The following CNTN5 variants were observed in gnomAD, a reference collection of about 807,000 sequenced individuals.
CNTN5 encodes contactin-5.
CNTN5 carries 77 observed loss-of-function variants against 129.1 expected under a neutral mutation model. The observed-to-expected ratio is 0.60, with a 90% CI of 0.50 to 0.72. The LOEUF is 0.72. Among genes scored for constraint, CNTN5 ranks in the 30% least tolerant of loss-of-function variants. The pLI is 0.00. For missense variants in CNTN5, 1,478 were observed against 1,328.8 expected (o/e 1.11, Z -1.75); for synonymous variants, 509 against 465.6 (o/e 1.09, Z -1.20).
At chr11:99,528,195 A>G (rs911404521) in intron 2 of CNTN5, among the ~76,000 whole-genome samples, 1 of 152,222 alleles carries the variant, frequency 6.6e-6, no homozygotes, top group South Asian at 2.1e-4. Flanking sequence ...ATTCTAAAAA[A>G]TTCTTTACAT....
At chr11:99,694,343 T>G (rs555683396) in intron 3 of CNTN5, among the ~76,000 whole-genome samples, 1 of 152,100 alleles carries the variant, frequency 6.6e-6, no homozygotes, top group South Asian at 2.1e-4. Flanking sequence ...CCACATTTCA[T>G]TGTCAGAGCT....
At chr11:99,457,161 A>G (rs1241961272) in intron 2 of CNTN5, among the ~76,000 whole-genome samples, 2 of 151,996 alleles carry the variant, frequency 1.3e-5, no homozygotes, top group African/African-American at 2.4e-5. Context: ...AAGAGTCATT[A>G]TTCCACCAAT....
chr11:100,308,805 A>C (rs1951410825), intron 21 of CNTN5: 6 of 988,230 alleles, frequency 6.1e-6, no homozygotes, highest in Non-Finnish European at 7.2e-6. Context: ...CTAATAATTT[A>C]ATGTATAAAT....
chr11:99,824,341 T>A (rs1451523674), intron 4 of CNTN5, among the ~76,000 whole-genome samples: 2 of 152,000 alleles, frequency 1.3e-5, no homozygotes, highest in African/African-American at 4.8e-5. Context: ...TGTGGTTTAG[T>A]TTGCATTTTC....
chr11:99,695,925 G>T (rs899177875), intron 3 of CNTN5, among the ~76,000 whole-genome samples: 1 of 152,016 alleles, frequency 6.6e-6, no homozygotes, highest in Non-Finnish European at 1.5e-5. Flanking sequence ...AGGATTAAAT[G>T]AGTTAATACA....
intron 3 of CNTN5, among the ~76,000 whole-genome samples, chr11:99,756,273 G>C (rs74467260): frequency 3.7e-4 from 57 of 152,156 alleles, no homozygotes; most frequent in African/African-American, 1.3e-3. Flanking sequence ...GAAAAGTTAC[G>C]ATCAATTATG....
Position 99,021,058 on chromosome 11 carries a change from G to C in CNTN5, c.-422G>C, listed in dbSNP as rs1415538437. ...CAAAGTGCCATTAAAGCTCGGGGCG[G>C]AGAGGATGCGTTACCTGGGTCCCGT... On this transcript the variant is annotated 5_prime_UTR_variant, in exon 1 of 25. Transcript: ENST00000524871. 1 of 152,932 alleles carries C rather than the reference G, an allele frequency of 6.5e-6. No individual in the cohort carries two copies. The highest frequency in any genetic ancestry group is 3.4e-3 in the Middle Eastern group (1 of 296). The allele number at this position is 152,932 out of a possible 1,614,324, so 9.5% of individuals were successfully genotyped here.
At chr11:100,209,038 G>A (rs145755970) in intron 15 of CNTN5, among the ~76,000 whole-genome samples, 10 of 152,122 alleles carry the variant, frequency 6.6e-5, no homozygotes, top group African/African-American at 1.9e-4. Flanking sequence ...GTGCACGCAC[G>A]CAATGCAATT....
intron 1 of CNTN5, among the ~76,000 whole-genome samples, chr11:99,168,013 G>A (rs1860959774): frequency 6.6e-6 from 1 of 151,372 alleles, no homozygotes; most frequent in Non-Finnish European, 1.5e-5. Context: ...TGGGTTCACT[G>A]CCTCTTCCAC....
intron 1 of CNTN5, among the ~76,000 whole-genome samples, chr11:99,035,124 G>A (rs1439332061): frequency 6.6e-6 from 1 of 151,006 alleles, no homozygotes; most frequent in Non-Finnish European, 1.5e-5. Context: ...ATTGCACTGT[G>A]GTCTGAGAGA....
At chr11:99,047,394 A>C (rs868667471) in intron 1 of CNTN5, among the ~76,000 whole-genome samples, 14 of 151,572 alleles carry the variant, frequency 9.2e-5, no homozygotes, top group Non-Finnish European at 1.5e-4. Flanking sequence ...AAAAAAAAAA[A>C]AACCAAAAAA....
At chr11:99,142,397 C>A (rs1332774202) in intron 1 of CNTN5, among the ~76,000 whole-genome samples, 1 of 152,102 alleles carries the variant, frequency 6.6e-6, no homozygotes, top group African/African-American at 2.4e-5. Context: ...CAGGGGGAAT[C>A]TGCAGGCAGG....
intron 13 of CNTN5, among the ~76,000 whole-genome samples, chr11:100,116,564 T>G (rs1945847289): frequency 6.6e-6 from 1 of 151,786 alleles, no homozygotes; most frequent in Non-Finnish European, 1.5e-5. Context: ...AAAAAGAGTA[T>G]AAACCCAGTT....
At chr11:100,288,134 C>A (rs61908373) in intron 18 of CNTN5, among the ~76,000 whole-genome samples, 6 of 152,104 alleles carry the variant, frequency 3.9e-5, no homozygotes, top group Non-Finnish European at 7.3e-5. Context: ...TACAAAGAGA[C>A]TTAGACTCCC....
intron 9 of CNTN5, among the ~76,000 whole-genome samples, chr11:100,046,542 C>T (rs1156973484): frequency 6.6e-6 from 1 of 151,336 alleles, no homozygotes; most frequent in East Asian, 1.9e-4. Flanking sequence ...TGCTTTTTTT[C>T]TTCAATCTTT....
chr11:99,611,719 A>G (rs1263834103), intron 3 of CNTN5, among the ~76,000 whole-genome samples: 2 of 152,206 alleles, frequency 1.3e-5, no homozygotes, highest in African/African-American at 4.8e-5. Flanking sequence ...TCTTCACTAC[A>G]AAGGTATAAT....
intron 3 of CNTN5, among the ~76,000 whole-genome samples, chr11:99,633,969 A>G (rs143870386): frequency 9.1e-4 from 139 of 152,300 alleles, no homozygotes; most frequent in African/African-American, 3.0e-3. Flanking sequence ...TGAGGTCCAG[A>G]TACAGCAAAA....
chr11:99,308,207 T>C (rs1202678036), intron 1 of CNTN5, among the ~76,000 whole-genome samples: 1 of 152,240 alleles, frequency 6.6e-6, no homozygotes, highest in Non-Finnish European at 1.5e-5. Context: ...CTTTTTATGA[T>C]ACATTTCCTT....
intron 13 of CNTN5, among the ~76,000 whole-genome samples, chr11:100,083,047 G>A (rs1944419418): frequency 6.6e-6 from 1 of 152,036 alleles, no homozygotes; most frequent in African/African-American, 2.4e-5. Flanking sequence ...TGGGTGCAGT[G>A]GTTCACACCG....
Sources: gnomAD v4.1 joint callset for allele counts (sites outside exome capture counted in the v4.1 genomes callset) on GRCh38, gnomAD v4.1.1 for gene constraint, MANE v1.5 for transcripts, NCBI Gene and HGNC (gene_info 2026-07-23, HGNC 2026-07-21) for gene names.